GRIK2: variants seen among roughly 807,000 people sequenced by gnomAD.
GRIK2 encodes glutamate receptor ionotropic, kainate 2.
A neutral mutation model predicts 100.3 loss-of-function variants in GRIK2; 32 were observed. That is an observed-to-expected ratio of 0.32 (90% CI 0.24 to 0.43). GRIK2 has a LOEUF of 0.43. GRIK2 is among the 20% of genes least tolerant of loss of function. The probability of loss-of-function intolerance (pLI) is 1.00; values close to 1 mark genes in which losing one functional copy is unlikely to be tolerated. For synonymous variants in GRIK2, 417 were observed against 389.4 expected, an observed-to-expected ratio of 1.07 and a Z score of -0.83; for missense variants, 843 against 1,114.9, an observed-to-expected ratio of 0.76 and a Z score of 3.47.
At chr6:101,483,478 G>A (rs1772641725) in intron 2 of GRIK2, among the ~76,000 whole-genome samples, 1 of 152,150 alleles carries the variant, frequency 6.6e-6, no homozygotes, top group African/African-American at 2.4e-5. Flanking sequence ...AACAGAATGT[G>A]TATTGTTAAT....
intron 6 of GRIK2, among the ~76,000 whole-genome samples, chr6:101,684,148 G>A (rs905253307): frequency 6.6e-6 from 1 of 152,190 alleles, no homozygotes; most frequent in Non-Finnish European, 1.5e-5. Context: ...TTTCCTAGCA[G>A]ACAACTTTTT....
chr6:101,719,839 C>G lies in GRIK2; in HGVS notation c.951+33486C>G, dbSNP rs148625417. 2.6e-5 allele frequency among the ~76,000 whole-genome samples: 4 copies of G among 152,038 alleles called. No homozygotes were observed. In the East Asian group the frequency reaches 7.8e-4, roughly 30 times the overall value. On this transcript the variant is annotated intron_variant, in intron 7 of 16. Transcript: ENST00000369134. ...AGTCCATTGACTCTCCTCCTACAGCCACTGTGGTGATGGTGCTGCTCTTTA... is the reference window on the plus strand; with the variant it reads ...AGTCCATTGACTCTCCTCCTACAGCGACTGTGGTGATGGTGCTGCTCTTTA...
chr6:102,042,274 G>C (rs1430756383), intron 15 of GRIK2, among the ~76,000 whole-genome samples: 1 of 151,500 alleles, frequency 6.6e-6, no homozygotes, highest in African/African-American at 2.4e-5. Context: ...CCAAAGGCCT[G>C]TATATTTTCT....
rs1776676855 is a variant in GRIK2 at position 101,749,839 on chromosome 6, G to T, written c.952-49809G>T. Among the ~76,000 whole-genome samples, 2 of 142,504 alleles carry T rather than the reference G, an allele frequency of 1.4e-5. 1 individual carries two copies. Among genetic ancestry groups the T allele is most frequent in the South Asian group, 4.5e-4 (2 of 4,468 alleles). The allele number at this position is 142,504 out of a possible 152,430, so 93.5% of individuals were successfully genotyped here. A position where few individuals can be genotyped will look rare whatever the true frequency, so the allele number is the denominator to read the frequency against. On this transcript the variant is annotated intron_variant, in intron 7 of 16. Coordinates refer to ENST00000369134, the MANE Select transcript of GRIK2 (RefSeq NM_021956.5). ...TTTTTTTTTTTTTGTGTGAGACAGG[G>T]TCTTACTCTGATGCCCAGGCTGGAG...
intron 2 of GRIK2, among the ~76,000 whole-genome samples, chr6:101,610,198 G>A (rs1397172624): frequency 2.0e-5 from 3 of 151,248 alleles, no homozygotes; most frequent in Admixed American, 6.6e-5. Flanking sequence ...AAAGTAAATA[G>A]GTAAGAAGAA....
intron 2 of GRIK2, among the ~76,000 whole-genome samples, chr6:101,472,656 A>G (rs905817990): frequency 6.6e-6 from 1 of 151,758 alleles, no homozygotes; most frequent in Non-Finnish European, 1.5e-5. Context: ...TGAATAAACA[A>G]TTTCCATTTC....
At chr6:101,632,756 A>G (rs1393120707) in intron 4 of GRIK2, among the ~76,000 whole-genome samples, 2 of 152,106 alleles carry the variant, frequency 1.3e-5, no homozygotes, top group African/African-American at 2.4e-5. Context: ...GACCTTCTCC[A>G]TGGGCTCAGA....
intron 4 of GRIK2, among the ~76,000 whole-genome samples, chr6:101,632,498 C>T (rs969277399): frequency 3.9e-5 from 6 of 152,070 alleles, no homozygotes; most frequent in African/African-American, 1.4e-4. Flanking sequence ...GTTAAGTAGC[C>T]TTTAACTACT....
intron 2 of GRIK2, among the ~76,000 whole-genome samples, chr6:101,596,804 G>A (rs1032533175): frequency 2.6e-5 from 4 of 151,692 alleles, no homozygotes; most frequent in African/African-American, 7.2e-5. Context: ...GAGCAGTATA[G>A]CCAAAGTAGG....
At chr6:101,555,601 T>C (rs1776699552) in intron 2 of GRIK2, among the ~76,000 whole-genome samples, 1 of 152,212 alleles carries the variant, frequency 6.6e-6, no homozygotes, top group South Asian at 2.1e-4. Context: ...TTGGGTACAT[T>C]ATTTCCCTCT....
intron 7 of GRIK2, among the ~76,000 whole-genome samples, chr6:101,687,377 A>G (rs1582961040): frequency 6.6e-6 from 1 of 151,998 alleles, no homozygotes; most frequent in Admixed American, 6.6e-5. Flanking sequence ...TTTACATTTC[A>G]TAGGAAATTA....
chr6:101,957,200 C>T (rs1056287726), intron 14 of GRIK2, among the ~76,000 whole-genome samples: 11 of 151,696 alleles, frequency 7.3e-5, no homozygotes, highest in Non-Finnish European at 1.0e-4. Context: ...GTCTGGTGTA[C>T]GATGGTATTT....
At chr6:101,842,477 G>A (rs1201728503) in intron 10 of GRIK2, among the ~76,000 whole-genome samples, 1 of 151,880 alleles carries the variant, frequency 6.6e-6, no homozygotes, top group African/African-American at 2.4e-5. Flanking sequence ...GCATTTAAAT[G>A]CAAACTTTTA....
intron 10 of GRIK2, among the ~76,000 whole-genome samples, chr6:101,821,817 A>T (rs547546425): frequency 2.6e-5 from 4 of 151,958 alleles, no homozygotes; most frequent in African/African-American, 9.7e-5. Context: ...TTTTTGATTG[A>T]TGTTATGATT....
At chr6:101,692,349 A>C (rs1444320940) in intron 7 of GRIK2, among the ~76,000 whole-genome samples, 4 of 152,146 alleles carry the variant, frequency 2.6e-5, no homozygotes, top group Non-Finnish European at 4.4e-5. Context: ...AAAGAGTAGC[A>C]ACATAATGAA....
intron 3 of GRIK2, among the ~76,000 whole-genome samples, chr6:101,622,667 C>T (rs1780221664): frequency 6.6e-6 from 1 of 151,598 alleles, no homozygotes; most frequent in African/African-American, 2.4e-5. Context: ...AAATAAATGG[C>T]TGATTATGTA....
At chr6:101,781,087 TTTTG>T (rs1413962542) in intron 7 of GRIK2, among the ~76,000 whole-genome samples, 4 of 152,226 alleles carry the variant, frequency 2.6e-5, no homozygotes, top group African/African-American at 7.2e-5. Context: ...TATTTGTTTA[TTTTG>T]TTTTTTTCTA....
chr6:101,825,845 G>A (rs1782289615), intron 10 of GRIK2, among the ~76,000 whole-genome samples: 1 of 152,042 alleles, frequency 6.6e-6, no homozygotes, highest in African/African-American at 2.4e-5. Context: ...TTAGGAAGAT[G>A]TTATCACAAT....
At chr6:101,449,649 AATTCTGTTGATTCAG>A (rs1474736811) in intron 2 of GRIK2, among the ~76,000 whole-genome samples, 2 of 151,692 alleles carry the variant, frequency 1.3e-5, no homozygotes, top group Non-Finnish European at 3.0e-5. Context: ...GAATTTAGCA[AATTCTGTTGATTCAG>A]ATTCTCCTTT....
Sources: gnomAD v4.1 joint callset for allele counts (sites outside exome capture counted in the v4.1 genomes callset) on GRCh38, gnomAD v4.1.1 for gene constraint, MANE v1.5 for transcripts, NCBI Gene and HGNC (gene_info 2026-07-23, HGNC 2026-07-21) for gene names.